Variants in CACNG3 observed in about 807,000 individuals in gnomAD.
The protein encoded by CACNG3 is calcium voltage-gated channel auxiliary subunit gamma 3, also known as voltage-dependent calcium channel gamma-3 subunit.
CACNG3 carries 3 observed loss-of-function variants against 28.5 expected under a neutral mutation model. The observed-to-expected ratio is 0.11, with a 90% CI of 0.05 to 0.27. The LOEUF is 0.27. Among genes scored for constraint, CACNG3 ranks in the 10% least tolerant of loss-of-function variants. The pLI, the probability that CACNG3 is intolerant of heterozygous loss-of-function variation, is 1.00. For missense variants in CACNG3, 236 were observed against 414.4 expected (o/e 0.57, Z 3.74); for synonymous variants, 174 against 162.2 (o/e 1.07, Z -0.55).
At chr16:24,286,716 C>A (rs1274953426) in intron 1 of CACNG3, among the ~76,000 whole-genome samples, 3 of 152,212 alleles carry the variant, frequency 2.0e-5, no homozygotes, top group Non-Finnish European at 4.4e-5. Flanking sequence ...TATTACCATC[C>A]TTATTTTACA....
Position 24,317,598 on chromosome 16 carries a change from G to GGA in CACNG3, c.212-29136_212-29135insGA, listed in dbSNP as rs1386341815. On this transcript the variant is annotated intron_variant, in intron 1 of 3. Coordinates refer to ENST00000005284, the MANE Select transcript of CACNG3 (RefSeq NM_006539.4). The stretch of plus-strand genomic sequence containing the variant: ...AGAAAGAAAGAAAGAAAGAAAGAAA[G>GGA]AAAGAAAGAAAGAAAGAAAGAAAGA... Among the ~76,000 whole-genome samples, 184 of 61,046 alleles carry GGA rather than the reference G, an allele frequency of 3.0e-3. 5 individuals carry two copies. Among genetic ancestry groups the GGA allele is most frequent in the African/African-American group, 3.8e-3 (49 of 13,052 alleles). The allele number at this position is 61,046 out of a possible 152,430, so 40.0% of individuals were successfully genotyped here. A position where few individuals can be genotyped will look rare whatever the true frequency, so the allele number is the denominator to read the frequency against.
intron 1 of CACNG3, among the ~76,000 whole-genome samples, chr16:24,263,365 G>A (rs1319605267): frequency 5.9e-5 from 9 of 152,142 alleles, no homozygotes; most frequent in Admixed American, 5.9e-4. Context: ...CATGAGCTAT[G>A]TATTTTAGGA....
intron 1 of CACNG3, among the ~76,000 whole-genome samples, chr16:24,297,907 A>G (rs922987529): frequency 6.6e-6 from 1 of 151,718 alleles, no homozygotes; most frequent in Admixed American, 6.6e-5. Flanking sequence ...TCATACCCCA[A>G]AGTTGTTGTC....
chr16:24,286,867 A>T (rs564587827), intron 1 of CACNG3, among the ~76,000 whole-genome samples: 16 of 152,302 alleles, frequency 1.1e-4, no homozygotes, highest in Non-Finnish European at 1.6e-4. Context: ...TCCTCCAAGG[A>T]TACCGTCACT....
At chr16:24,316,826 C>T (rs937978999) in intron 1 of CACNG3, among the ~76,000 whole-genome samples, 1 of 152,228 alleles carries the variant, frequency 6.6e-6, no homozygotes, top group African/African-American at 2.4e-5. Context: ...ACAAACAGAC[C>T]TGGTGGAAAT....
At chr16:24,360,541 T>C (rs76017739) in intron 3 of CACNG3, among the ~76,000 whole-genome samples, 3,320 of 152,320 alleles carry the variant, frequency 0.022, 112 homozygotes, top group African/African-American at 0.076. Flanking sequence ...TGGTAAGCTC[T>C]CACCTCTTCC....
chr16:24,260,137 T>C (rs1443947732), intron 1 of CACNG3, among the ~76,000 whole-genome samples: 1 of 152,228 alleles, frequency 6.6e-6, no homozygotes, highest in Non-Finnish European at 1.5e-5. Context: ...AGTGACATGA[T>C]CAGCCAAACC....
At chr16:24,316,413 T>G (rs1421270826) in intron 1 of CACNG3, among the ~76,000 whole-genome samples, 1 of 151,846 alleles carries the variant, frequency 6.6e-6, no homozygotes, top group Non-Finnish European at 1.5e-5. Flanking sequence ...TCCGGCACAC[T>G]GAGAGCATTC....
At chr16:24,267,002 T>A (rs928530286) in intron 1 of CACNG3, among the ~76,000 whole-genome samples, 1 of 150,610 alleles carries the variant, frequency 6.6e-6, no homozygotes, top group African/African-American at 2.5e-5. Context: ...AGTCTCGCTC[T>A]ATCGCCCAGG....
At chr16:24,309,174 G>C (rs1451587189) in intron 1 of CACNG3, among the ~76,000 whole-genome samples, 2 of 152,222 alleles carry the variant, frequency 1.3e-5, no homozygotes, top group African/African-American at 4.8e-5. Context: ...TGAACAAAGA[G>C]ATAAGGACTA....
chr16:24,305,086 C>A (rs574560477), intron 1 of CACNG3, among the ~76,000 whole-genome samples: 2 of 152,008 alleles, frequency 1.3e-5, no homozygotes, highest in South Asian at 2.1e-4. Flanking sequence ...AGGGATGGAA[C>A]CCTAATGTAA....
chr16:24,294,047 T>C (rs536949481), intron 1 of CACNG3, among the ~76,000 whole-genome samples: 1 of 152,220 alleles, frequency 6.6e-6, no homozygotes, highest in Non-Finnish European at 1.5e-5. Flanking sequence ...TGCTCTCACC[T>C]TATCTCCCTT....
intron 3 of CACNG3, 124 bp downstream of exon 3, chr16:24,355,097 C>T: frequency 1.1e-6 from 1 of 950,990 alleles, no homozygotes; most frequent in Non-Finnish European, 1.6e-6. Context: ...TCCAGTTGTG[C>T]TAAGGATGAG....
intron 1 of CACNG3, among the ~76,000 whole-genome samples, chr16:24,257,772 C>G (rs1029373020): frequency 1.3e-5 from 2 of 152,190 alleles, no homozygotes; most frequent in African/African-American, 4.8e-5. Flanking sequence ...TTCGTCATTT[C>G]TAGTTCTAAA....
Position 24,306,275 on chromosome 16 carries a change from ATTC to A in CACNG3, c.212-40455_212-40453del, listed in dbSNP as rs1435686918. Among the ~76,000 whole-genome samples, 14 of 152,302 alleles carry A rather than the reference ATTC, an allele frequency of 9.2e-5. 1 individual carries two copies. The highest frequency in any genetic ancestry group is 3.4e-4 in the African/African-American group (14 of 41,568). ...AGCCCGTTGGAAGCTCAGGGTTTCT[ATTC>A]TTCCTTCCGGGCTTTTCGTCTTTTG... On this transcript the variant is annotated intron_variant, in intron 1 of 3. Transcript: ENST00000005284.
rs948396526 is a variant in CACNG3, at chr16:24,314,096, A to G, written c.212-32638A>G. Among the ~76,000 whole-genome samples, 17 of 152,306 alleles carry G rather than the reference A, an allele frequency of 1.1e-4. No individual in the cohort carries two copies. The East Asian group carries it at 3.3e-3, about 29-fold the overall frequency. On this transcript the variant is annotated intron_variant, in intron 1 of 3. Transcript: ENST00000005284. ...TACACCCTTCAGGATAAATGAAAAA[A>G]TGAAACTGGCCAAAAAGACAGATCT...
chr16:24,292,944 A>C (rs2141356259), intron 1 of CACNG3, among the ~76,000 whole-genome samples: 1 of 152,362 alleles, frequency 6.6e-6, no homozygotes, highest in African/African-American at 2.4e-5. Context: ...AGAAAACCAA[A>C]GGAAGGAATT....
intron 1 of CACNG3, among the ~76,000 whole-genome samples, chr16:24,268,515 A>C (rs1302551840): frequency 6.6e-6 from 1 of 152,234 alleles, no homozygotes; most frequent in Non-Finnish European, 1.5e-5. Flanking sequence ...TATTGTGAAA[A>C]ATAATTCACC....
chr16:24,331,526 A>C lies in CACNG3; in HGVS notation c.212-15208A>C, dbSNP rs575810760. Reference sequence around the variant, plus strand: ...ACTTTCAATGATTCCTCTAAGATGCACTTTCATTCCTGCTCCTCCACAAGT... The same window carrying C: ...ACTTTCAATGATTCCTCTAAGATGCCCTTTCATTCCTGCTCCTCCACAAGT... On this transcript the variant is annotated intron_variant, in intron 1 of 3. Coordinates refer to ENST00000005284, the MANE Select transcript of CACNG3 (RefSeq NM_006539.4). Among the ~76,000 whole-genome samples the C allele has an allele frequency of 8.5e-5, 13 of 152,234 alleles. No homozygotes were observed. The East Asian group carries it at 2.1e-3, about 25-fold the overall frequency.
Sources: gnomAD v4.1 joint callset for allele counts (sites outside exome capture counted in the v4.1 genomes callset) on GRCh38, gnomAD v4.1.1 for gene constraint, MANE v1.5 for transcripts, NCBI Gene and HGNC (gene_info 2026-07-23, HGNC 2026-07-21) for gene names.